Variants in GRM5 observed in about 807,000 individuals in gnomAD.
GRM5 encodes glutamate metabotropic receptor 5.
In GRM5, 19 loss-of-function variants were observed where a neutral mutation model predicts 83.1. The ratio of observed to expected loss-of-function variants is 0.23; its 90% CI spans 0.16 to 0.34. The LOEUF (loss-of-function observed/expected upper bound fraction) is 0.34. Ranked by LOEUF, GRM5 falls within the 10% of genes least tolerant of loss-of-function variation. GRM5 has a pLI of 1.00. For synonymous variants in GRM5, 675 were observed against 633.6 expected (o/e 1.07, Z -0.98); for missense variants, 1,160 against 1,588.3 (o/e 0.73, Z 4.58).
chr11:88,558,889 T>C (rs1942692043), intron 8 of GRM5, among the ~76,000 whole-genome samples: 1 of 151,808 alleles, frequency 6.6e-6, no homozygotes, highest in South Asian at 2.1e-4. Context: ...AGTTCTATTT[T>C]TTTAAGTTTG....
At position 88,919,251 on chromosome 11, in the gene GRM5, TA is replaced by T. The variant is rs1565291789; in HGVS notation, c.662-69097del. Among the ~76,000 whole-genome samples, 14 of 88,390 alleles carry T rather than the reference TA, an allele frequency of 1.6e-4. 4 individuals carry two copies. Among genetic ancestry groups the T allele is most frequent in the Admixed American group, 5.9e-4 (5 of 8,456 alleles). The allele number at this position is 88,390 out of a possible 152,430, so 58.0% of individuals were successfully genotyped here. ...CAGCAGGAGTAGCTATATATATATATATATATCGGATAAAATAGATTTTAAG... is the reference window on the plus strand; with the variant it reads ...CAGCAGGAGTAGCTATATATATATATTATATCGGATAAAATAGATTTTAAG... On this transcript the variant is annotated intron_variant, in intron 2 of 9. Coordinates refer to ENST00000305447, the MANE Select transcript of GRM5 (RefSeq NM_001143831.3).
At chr11:88,968,590 C>T (rs956549979) in intron 2 of GRM5, among the ~76,000 whole-genome samples, 1 of 151,980 alleles carries the variant, frequency 6.6e-6, no homozygotes, top group Non-Finnish European at 1.5e-5. Context: ...TTAGGAAGAT[C>T]GCTTGAGGCC....
intron 3 of GRM5, among the ~76,000 whole-genome samples, chr11:88,798,816 A>AAC (rs1943332865): frequency 7.0e-6 from 1 of 142,424 alleles, no homozygotes. Context: ...AAAAAAAAAA[A>AAC]AAAAAAAAAA....
intron 2 of GRM5, among the ~76,000 whole-genome samples, chr11:88,944,236 A>T (rs991661101): frequency 6.6e-6 from 1 of 152,008 alleles, no homozygotes; most frequent in African/African-American, 2.4e-5. Flanking sequence ...ATTATAAGGA[A>T]TTTCCTATGA....
rs771038192 is a variant in GRM5, at chr11:88,508,652, C to T, written c.3579G>A (p.Ser1193=). 6.2e-7 allele frequency: 1 copy of T among 1,609,288 alleles called. No homozygotes were observed. Among genetic ancestry groups the T allele is most frequent in the Non-Finnish European group, 8.5e-7 (1 of 1,177,920 alleles). Residue 1193 remains serine, a synonymous_variant, in exon 10 of 10, where the codon TCG becomes TCA. Coordinates refer to ENST00000305447, the MANE Select transcript of GRM5 (RefSeq NM_001143831.3). The surrounding 1 kb of genome is among the most constrained non-coding windows in gnomAD (Gnocchi z 4.2). ...TGATAAGAGTGTCATATTTGGGAGA[C>T]GACGGGATACAGAGGGCCGACTCGG... ...PVSESALCIP[S]SPKYDTLIIR...
intron 1 of GRM5, among the ~76,000 whole-genome samples, chr11:89,054,491 T>C (rs867327466): frequency 5.3e-5 from 8 of 152,308 alleles, no homozygotes; most frequent in African/African-American, 1.9e-4. Context: ...TGTAGGGGGC[T>C]GAATTCTGAA....
At chr11:89,048,858 T>A (rs1382647957) in intron 1 of GRM5, among the ~76,000 whole-genome samples, 1 of 152,180 alleles carries the variant, frequency 6.6e-6, no homozygotes, top group African/African-American at 2.4e-5. Flanking sequence ...TTAAGAAGTA[T>A]TAGTAAACTG....
chr11:88,673,448 T>C, intron 3 of GRM5, among the ~76,000 whole-genome samples: 1 of 152,016 alleles, frequency 6.6e-6, no homozygotes, highest in Non-Finnish European at 1.5e-5. Context: ...GAAACGCTTG[T>C]GAAACAATCA....
Position 88,567,143 on chromosome 11 carries a change from A to C in GRM5, c.2540T>G (p.Val847Gly). Residue 847 changes from valine to glycine, a missense_variant, in exon 8 of 10, where the codon GTA (valine) becomes GGA (glycine). Physicochemically the swap from Val to Gly is moderately radical, Grantham distance 109 (BLOSUM62 -3). Coordinates refer to ENST00000305447, the MANE Select transcript of GRM5 (RefSeq NM_001143831.3). This position sits in a 1 kb window ranked among gnomAD's most constrained non-coding sequence, Gnocchi z 7.3. ...TGCGGAGGATGACTTGCCATCCCCT[A>C]CATGCATGCGCACCACGGTAGATGT... ...FTTSTVVRMH[V>G]GDGKSSSAAS... is the part of the protein sequence containing the mutation. 6.2e-7 allele frequency: 1 copy of C among 1,614,108 alleles called. No individual in the cohort carries two copies. The highest frequency in any genetic ancestry group is 8.5e-7 in the Non-Finnish European group (1 of 1,179,960).
rs116797953 is a variant in GRM5 at position 88,563,090 on chromosome 11, C to T, written c.2630+3963G>A. ...TAAGTGTTTGAAAACAGGCTTTCTG[C>T]TACTTGCAGACACAATTCTAAAAGG... On this transcript the variant is annotated intron_variant, in intron 8 of 9. Transcript: ENST00000305447. Among the ~76,000 whole-genome samples the T allele has an allele frequency of 4.4e-3, 672 of 152,316 alleles. 2 individuals carry two copies. Among genetic ancestry groups the T allele is most frequent in the African/African-American group, 0.01 (419 of 41,564 alleles).
At chr11:88,774,896 C>A (rs1272969525) in intron 3 of GRM5, among the ~76,000 whole-genome samples, 1 of 152,128 alleles carries the variant, frequency 6.6e-6, no homozygotes, top group African/African-American at 2.4e-5. Context: ...GGATATTGGT[C>A]TAAAATTCTC....
At position 88,932,301 on chromosome 11, in the gene GRM5, T is replaced by C. The variant is rs529206171; in HGVS notation, c.662-82146A>G. Among the ~76,000 whole-genome samples, 4 of 152,222 alleles carry C rather than the reference T, an allele frequency of 2.6e-5. No homozygotes were observed. The East Asian group carries it at 7.7e-4, about 29-fold the overall frequency. ...TGGATGCACAAATTAAAAAGAATCT[T>C]ATGTTAGTATATATAAACACAAATA... On this transcript the variant is annotated intron_variant, in intron 2 of 9. Transcript: ENST00000305447.
chr11:88,691,107 A>G (rs937559927), intron 3 of GRM5, among the ~76,000 whole-genome samples: 1 of 152,210 alleles, frequency 6.6e-6, no homozygotes, highest in African/African-American at 2.4e-5. Context: ...TTCAAATTGC[A>G]GAGAATGATG....
intron 8 of GRM5, among the ~76,000 whole-genome samples, chr11:88,556,652 T>C (rs1942635901): frequency 6.6e-6 from 1 of 152,116 alleles, no homozygotes; most frequent in Non-Finnish European, 1.5e-5. Context: ...ATGTTCACAG[T>C]GGACCTTTGA....
At chr11:88,525,080 G>A (rs775781682) in intron 9 of GRM5, among the ~76,000 whole-genome samples, 2 of 152,168 alleles carry the variant, frequency 1.3e-5, no homozygotes, top group Non-Finnish European at 2.9e-5. Context: ...CATGCAAAGC[G>A]CACAACCCTG....
At position 88,879,484 on chromosome 11, in the gene GRM5, G is replaced by A. The variant is rs1944915060; in HGVS notation, c.662-29329C>T. The stretch of plus-strand genomic sequence containing the variant: ...CAATGCTAGTAGAAAAATGAATAAT[G>A]GACAATAGCAAATTTCAAAAGAGAA... On this transcript the variant is annotated intron_variant, in intron 2 of 9. Transcript: ENST00000305447. Among the ~76,000 whole-genome samples the A allele has an allele frequency of 2.0e-5, 3 of 151,506 alleles. No homozygotes were observed. The South Asian group carries it at 6.3e-4, about 32-fold the overall frequency.
rs369046353 is a variant in GRM5 at position 88,896,484 on chromosome 11, G to T, written c.662-46329C>A. Among the ~76,000 whole-genome samples, 75 of 109,170 alleles carry T rather than the reference G, an allele frequency of 6.9e-4. 1 individual carries two copies. Among genetic ancestry groups the T allele is most frequent in the African/African-American group, 2.5e-3 (74 of 29,814 alleles). 71.6% of individuals were successfully genotyped at this position (109,170 alleles called of 152,430 possible). ...CAACAGAGAATCAGAAGCAATAGGA[G>T]AATCTATTATCTATCTATCTGTCTA... On this transcript the variant is annotated intron_variant, in intron 2 of 9. Coordinates refer to ENST00000305447, the MANE Select transcript of GRM5 (RefSeq NM_001143831.3).
chr11:88,566,584 A>G (rs1329140969), intron 8 of GRM5, among the ~76,000 whole-genome samples: 4 of 152,044 alleles, frequency 2.6e-5, no homozygotes, highest in Non-Finnish European at 5.9e-5. Flanking sequence ...GCATTTAAGC[A>G]CTCTTCTGGC....
At chr11:88,818,009 G>A (rs1245253231) in intron 3 of GRM5, among the ~76,000 whole-genome samples, 1 of 152,050 alleles carries the variant, frequency 6.6e-6, no homozygotes, top group Non-Finnish European at 1.5e-5. Flanking sequence ...ATTACATGCT[G>A]AGAAAGTTGA....
Sources: gnomAD v4.1 joint callset for allele counts (sites outside exome capture counted in the v4.1 genomes callset) on GRCh38, gnomAD v4.1.1 for gene constraint, Gnocchi (gnomAD v3.1) non-coding constraint, MANE v1.5 for transcripts, NCBI Gene and HGNC (gene_info 2026-07-23, HGNC 2026-07-21) for gene names.